Variants in ADAMTS19 observed in about 807,000 individuals in gnomAD.
The protein encoded by ADAMTS19 is A disintegrin and metalloproteinase with thrombospondin motifs 19.
ADAMTS19 carries 93 observed loss-of-function variants against 153.3 expected under a neutral mutation model. The observed-to-expected ratio is 0.61, with a 90% CI of 0.51 to 0.72. The LOEUF (loss-of-function observed/expected upper bound fraction) is 0.72, where lower values mean the gene tolerates loss of function less well. Among genes scored for constraint, ADAMTS19 ranks in the 30% least tolerant of loss-of-function variants. The probability of loss-of-function intolerance (pLI) is 0.00; values close to 1 mark genes in which losing one functional copy is unlikely to be tolerated. For missense variants in ADAMTS19, 1,482 were observed against 1,552.1 expected, an observed-to-expected ratio of 0.95 and a Z score of 0.76; for synonymous variants, 600 against 556.6, an observed-to-expected ratio of 1.08 and a Z score of -1.10.
At chr5:129,490,712 GA>G in intron 2 of ADAMTS19, among the ~76,000 whole-genome samples, 1 of 152,240 alleles carries the variant, frequency 6.6e-6, no homozygotes, top group South Asian at 2.1e-4. Flanking sequence ...TTCTGGTGCA[GA>G]TGTGTCAGTT....
intron 21 of ADAMTS19, among the ~76,000 whole-genome samples, chr5:129,717,873 C>T (rs1024376217): frequency 6.6e-6 from 1 of 152,108 alleles, no homozygotes; most frequent in African/African-American, 2.4e-5. Flanking sequence ...CTCACATGGC[C>T]ACAGAGGGAT....
chr5:129,726,029 A>G lies in ADAMTS19; in HGVS notation c.3313-8903A>G, dbSNP rs111570264. On this transcript the variant is annotated intron_variant, in intron 21 of 22. Transcript: ENST00000274487. Reference sequence around the variant, plus strand: ...TGGGGAAAAGGGATTATCGACATCAACTTTCCTTGTGTCTTGTTGTTTGTC... The same window carrying G: ...TGGGGAAAAGGGATTATCGACATCAGCTTTCCTTGTGTCTTGTTGTTTGTC... 6.6e-3 allele frequency among the ~76,000 whole-genome samples: 1,004 copies of G among 152,226 alleles called. 7 individuals are homozygous for G. The highest frequency in any genetic ancestry group is 0.022 in the African/African-American group (928 of 41,542).
intron 14 of ADAMTS19, among the ~76,000 whole-genome samples, chr5:129,654,994 G>C (rs1317760349): frequency 6.6e-6 from 1 of 152,120 alleles, no homozygotes; most frequent in Non-Finnish European, 1.5e-5. Flanking sequence ...TAGAATTCCT[G>C]TTAAAGTGAT....
chr5:129,714,642 A>C (rs910792099), intron 21 of ADAMTS19, among the ~76,000 whole-genome samples: 1 of 152,138 alleles, frequency 6.6e-6, no homozygotes, highest in African/African-American at 2.4e-5. Flanking sequence ...ACTGAGTCCA[A>C]TTGCGTTCAC....
chr5:129,594,824 C>T (rs1750298973), intron 7 of ADAMTS19, among the ~76,000 whole-genome samples: 1 of 151,914 alleles, frequency 6.6e-6, no homozygotes, highest in Non-Finnish European at 1.5e-5. Flanking sequence ...CTCTGTGTAT[C>T]CTTACCTTCA....
intron 6 of ADAMTS19, among the ~76,000 whole-genome samples, chr5:129,546,613 G>A (rs907343259): frequency 6.6e-6 from 1 of 150,896 alleles, no homozygotes; most frequent in Non-Finnish European, 1.5e-5. Context: ...CAATAAAGTT[G>A]ACTTTATAAC....
At chr5:129,468,961 G>C (rs997437488) in intron 2 of ADAMTS19, among the ~76,000 whole-genome samples, 1 of 151,946 alleles carries the variant, frequency 6.6e-6, no homozygotes, top group Non-Finnish European at 1.5e-5. Flanking sequence ...GTTTTTAGTA[G>C]AGGTGGGGTT....
intron 2 of ADAMTS19, among the ~76,000 whole-genome samples, chr5:129,464,396 G>A (rs1334950111): frequency 6.6e-6 from 1 of 152,128 alleles, no homozygotes. Context: ...CCATGAGTTT[G>A]CAACAATTAT....
chr5:129,524,390 G>A (rs1211666127), intron 3 of ADAMTS19, among the ~76,000 whole-genome samples: 2 of 152,192 alleles, frequency 1.3e-5, no homozygotes, highest in African/African-American at 4.8e-5. Context: ...CAGGACATAG[G>A]CATGGGCAAA....
intron 2 of ADAMTS19, among the ~76,000 whole-genome samples, chr5:129,463,885 A>G (rs769165591): frequency 2.0e-5 from 3 of 152,240 alleles, no homozygotes; most frequent in Non-Finnish European, 4.4e-5. Flanking sequence ...GGGGCTCACA[A>G]GTTAAGAGAA....
intron 8 of ADAMTS19, among the ~76,000 whole-genome samples, chr5:129,611,444 C>G (rs1010948062): frequency 6.6e-6 from 1 of 152,114 alleles, no homozygotes; most frequent in Non-Finnish European, 1.5e-5. Context: ...AGTCTTTAAT[C>G]TATCTTGAAT....
At chr5:129,698,801 C>A (rs974464786) in intron 19 of ADAMTS19, among the ~76,000 whole-genome samples, 7 of 152,100 alleles carry the variant, frequency 4.6e-5, no homozygotes, top group African/African-American at 1.7e-4. Context: ...TATTCTTGTG[C>A]AGAAATATGA....
At chr5:129,645,477 T>C (rs1397143907) in intron 11 of ADAMTS19, among the ~76,000 whole-genome samples, 1 of 152,234 alleles carries the variant, frequency 6.6e-6, no homozygotes, top group African/African-American at 2.4e-5. Context: ...TCTGGTTATC[T>C]GCAAGGTGAC....
At chr5:129,734,296 T>C (rs1439227928) in intron 21 of ADAMTS19, among the ~76,000 whole-genome samples, 1 of 151,682 alleles carries the variant, frequency 6.6e-6, no homozygotes, top group Non-Finnish European at 1.5e-5. Context: ...CCTGAATCTA[T>C]AAAAATAAAA....
intron 3 of ADAMTS19, among the ~76,000 whole-genome samples, chr5:129,509,651 C>T (rs1751374678): frequency 6.6e-6 from 1 of 151,978 alleles, no homozygotes; most frequent in Admixed American, 6.6e-5. Context: ...GAAGCATCCT[C>T]ATCTTCTCTT....
chr5:129,590,209 C>G (rs1362891010), intron 7 of ADAMTS19, among the ~76,000 whole-genome samples: 1 of 152,162 alleles, frequency 6.6e-6, no homozygotes, highest in African/African-American at 2.4e-5. Flanking sequence ...TATATCTTAT[C>G]TGATACTCAG....
chr5:129,553,507 G>C (rs903340320), intron 7 of ADAMTS19, among the ~76,000 whole-genome samples: 9 of 152,064 alleles, frequency 5.9e-5, no homozygotes, highest in African/African-American at 1.9e-4. Flanking sequence ...GCAATTTATT[G>C]AATCTTTGGC....
At chr5:129,680,055 T>A in intron 17 of ADAMTS19, 134 bp downstream of exon 17, 1 of 1,012,644 alleles carries the variant, frequency 9.9e-7, no homozygotes. Context: ...AAGTGGAATT[T>A]TTAGAGGTTT....
intron 6 of ADAMTS19, among the ~76,000 whole-genome samples, chr5:129,551,549 C>T (rs929480522): frequency 9.8e-5 from 14 of 142,414 alleles, no homozygotes; most frequent in Admixed American, 7.6e-4. Context: ...AAGCCTTGTC[C>T]CAATACCAGA....
Sources: allele counts gnomAD v4.1 joint callset (sites outside exome capture counted in the v4.1 genomes callset), GRCh38; gene constraint gnomAD v4.1.1; transcripts MANE v1.5; gene names NCBI Gene and HGNC (gene_info 2026-07-23, HGNC 2026-07-21).